NWD2: variants seen among roughly 807,000 people sequenced by gnomAD.
NWD2 encodes the protein NACHT and WD repeat domain-containing protein 2.
NWD2 carries 37 observed loss-of-function variants against 132.7 expected under a neutral mutation model. The ratio of observed to expected loss-of-function variants is 0.28; its 90% CI spans 0.21 to 0.37. The LOEUF is 0.37. NWD2 is among the 10% of genes least tolerant of loss of function. The pLI is 1.00. For synonymous variants in NWD2, 705 were observed against 803.0 expected, an observed-to-expected ratio of 0.88 and a Z score of 2.06; for missense variants, 1,592 against 2,122.4, an observed-to-expected ratio of 0.75 and a Z score of 4.91.
intron 1 of NWD2, among the ~76,000 whole-genome samples, chr4:37,280,189 A>C (rs996200980): frequency 6.6e-6 from 1 of 152,234 alleles, no homozygotes; most frequent in Non-Finnish European, 1.5e-5. Context: ...ATTTCTGGCC[A>C]CAAAAACATC....
chr4:37,447,170 T>C lies in NWD2; in HGVS notation c.5182T>C (p.Cys1728Arg). The part of the protein sequence containing the change: ...KKHNSCYERV[C>R]SALEARGHSY... ...ACACAACTCTTGTTATGAGCGGGTA[T>C]GCTCGGCCCTAGAAGCCAGGGGCCA... The change falls in exon 7 of 7, where the codon TGC (cysteine) becomes CGC (arginine). Residue 1728 changes from cysteine to arginine, a missense_variant. Cys to Arg is a radical substitution (Grantham distance 180). Transcript: ENST00000309447. 6.4e-7 allele frequency: 1 copy of C among 1,551,298 alleles called. No homozygotes were observed. The highest frequency in any genetic ancestry group is 8.7e-7 in the Non-Finnish European group (1 of 1,146,984).
intron 3 of NWD2, among the ~76,000 whole-genome samples, chr4:37,396,626 C>T (rs1210401455): frequency 6.6e-6 from 1 of 152,200 alleles, no homozygotes; most frequent in Non-Finnish European, 1.5e-5. Flanking sequence ...ATTCTATAAG[C>T]TTCTTCAGCT....
chr4:37,444,348 A>C lies in NWD2; in HGVS notation c.2360A>C (p.Asp787Ala). 2 of 1,551,954 alleles carry C rather than the reference A, an allele frequency of 1.3e-6. No homozygotes were observed. The highest frequency in any genetic ancestry group is 1.4e-5 in the African/African-American group (1 of 73,152). Residue 787 changes from aspartate (D) to alanine (A), a missense_variant, in exon 7 of 7, where the codon GAC (aspartate) becomes GCC (alanine). Physicochemically the swap from Asp to Ala is moderately radical, Grantham distance 126. Coordinates refer to ENST00000309447, the MANE Select transcript of NWD2 (RefSeq NM_001144990.2). This position sits in a 1 kb window ranked among gnomAD's most constrained non-coding sequence, Gnocchi z 4.8. The stretch of plus-strand genomic sequence containing the variant: ...GACCCCTACTTGAATGGCTGCCTTG[A>C]CTTGGAGAACAGAAGTTTGCTGGAG... ...LEDPYLNGCL[D>A]LENRSLLEEE...
chr4:37,379,143 T>C (rs958384424), intron 3 of NWD2, among the ~76,000 whole-genome samples: 5 of 152,164 alleles, frequency 3.3e-5, no homozygotes, highest in Non-Finnish European at 7.3e-5. Flanking sequence ...CATGACAGGG[T>C]TCATAAATTT....
chr4:37,278,115 A>T (rs983652796), intron 1 of NWD2, among the ~76,000 whole-genome samples: 1 of 152,094 alleles, frequency 6.6e-6, no homozygotes, highest in African/African-American at 2.4e-5. Context: ...GACTGTGTGT[A>T]TGGGATGGGT....
intron 2 of NWD2, among the ~76,000 whole-genome samples, chr4:37,327,565 T>C (rs908189584): frequency 1.3e-5 from 2 of 152,222 alleles, no homozygotes; most frequent in East Asian, 1.9e-4. Context: ...TTCAGTTCAG[T>C]GTCTAAAATA....
At chr4:37,261,492 TCTTA>T (rs1196282461) in intron 1 of NWD2, among the ~76,000 whole-genome samples, 2 of 152,190 alleles carry the variant, frequency 1.3e-5, no homozygotes, top group African/African-American at 2.4e-5. Context: ...AGGCATGCCT[TCTTA>T]CTTCACAGAC....
chr4:37,397,932 G>T (rs900138791), intron 3 of NWD2, among the ~76,000 whole-genome samples: 2 of 152,108 alleles, frequency 1.3e-5, no homozygotes, highest in Admixed American at 6.5e-5. Flanking sequence ...TTTGGTGGAA[G>T]CCTATCTTCC....
chr4:37,414,955 G>A (rs75073502), intron 3 of NWD2, among the ~76,000 whole-genome samples: 2 of 152,158 alleles, frequency 1.3e-5, no homozygotes, highest in Non-Finnish European at 2.9e-5. Context: ...AAGTAACTTG[G>A]CTGAGGTCAC....
At chr4:37,390,139 G>A (rs906782171) in intron 3 of NWD2, among the ~76,000 whole-genome samples, 1 of 152,116 alleles carries the variant, frequency 6.6e-6, no homozygotes, top group African/African-American at 2.4e-5. Context: ...TCAGTCTGAA[G>A]TTGCACTTTC....
At position 37,413,219 on chromosome 4, in the gene NWD2, C is replaced by A. The variant is rs1026222656; in HGVS notation, c.358-17353C>A. Among the ~76,000 whole-genome samples, 9 of 152,216 alleles carry A rather than the reference C, an allele frequency of 5.9e-5. No homozygotes were observed. In the East Asian group the frequency reaches 1.7e-3, roughly 29 times the overall value. ...ATGGGAGAAAATTTTTGCAATCTAT[C>A]CATCTGACAAAGGGCTAATATCCAG... On this transcript the variant is annotated intron_variant, in intron 3 of 6. Transcript: ENST00000309447.
chr4:37,364,677 C>T (rs899693514), intron 3 of NWD2, among the ~76,000 whole-genome samples: 1 of 139,130 alleles, frequency 7.2e-6, no homozygotes. Flanking sequence ...TCAGAGCAGA[C>T]TTCTACCTCC....
In NWD2 at chr4:37,445,901, A is replaced by G. The variant is rs1174223061; in HGVS notation, c.3913A>G (p.Ile1305Val). 1.9e-6 allele frequency: 3 copies of G among 1,551,496 alleles called. No individual in the cohort carries two copies. The highest frequency in any genetic ancestry group is 2.6e-6 in the Non-Finnish European group (3 of 1,146,738). ...TGTTCTTTCCATTTGGGACATAGAT[A>G]TAATCACAGCTATGTCCAACATAGA... is the stretch of plus-strand genomic sequence containing the variant. ...SGVLSIWDID[I>V]ITAMSNIDKT... The change falls in exon 7 of 7, where the codon ATA (isoleucine) becomes GTA (valine). Residue 1305 changes from isoleucine to valine, a missense_variant. By Grantham distance (29) the Ile-to-Val change is conservative. Around this residue, in one of 7 missense-constraint regions of NWD2, gnomAD observed 1,071 missense variants for 1,398.0 expected, o/e 0.77. Transcript: ENST00000309447. This position sits in a 1 kb window ranked among gnomAD's most constrained non-coding sequence, Gnocchi z 4.7.
intron 3 of NWD2, among the ~76,000 whole-genome samples, chr4:37,392,494 A>G (rs1357683860): frequency 6.6e-6 from 1 of 152,122 alleles, no homozygotes; most frequent in African/African-American, 2.4e-5. Context: ...CTAGATGCCA[A>G]TACTAACCCC....
intron 3 of NWD2, among the ~76,000 whole-genome samples, chr4:37,390,703 T>C (rs542197894): frequency 6.6e-6 from 1 of 152,322 alleles, no homozygotes; most frequent in South Asian, 2.1e-4. Flanking sequence ...TCGACTCTCT[T>C]AGTTTTGTGC....
At chr4:37,442,030 G>A (rs1712498917) in intron 6 of NWD2, among the ~76,000 whole-genome samples, 1 of 152,190 alleles carries the variant, frequency 6.6e-6, no homozygotes, top group Non-Finnish European at 1.5e-5. Flanking sequence ...GATAGTTGTT[G>A]AATGACAAGA....
chr4:37,350,384 G>A (rs530085223), intron 2 of NWD2, among the ~76,000 whole-genome samples: 141 of 152,252 alleles, frequency 9.3e-4, no homozygotes, highest in Non-Finnish European at 1.7e-3. Context: ...AGTTCTCCTT[G>A]AAGAGGTCTT....
intron 2 of NWD2, among the ~76,000 whole-genome samples, chr4:37,352,036 T>C (rs1719778880): frequency 6.6e-6 from 1 of 152,228 alleles, no homozygotes; most frequent in Admixed American, 6.5e-5. Context: ...CACTGTGGTC[T>C]GAGAGACTAT....
chr4:37,274,173 TAG>T (rs1717938141), intron 1 of NWD2, among the ~76,000 whole-genome samples: 2 of 151,992 alleles, frequency 1.3e-5, no homozygotes, highest in Middle Eastern at 3.4e-3. Flanking sequence ...ACAAAATTGA[TAG>T]ACCGCTAGCA....
Sources: allele counts gnomAD v4.1 joint callset (sites outside exome capture counted in the v4.1 genomes callset), GRCh38; gene constraint gnomAD v4.1.1; regional missense constraint gnomAD v4.1.1; non-coding constraint Gnocchi (gnomAD v3.1); transcripts MANE v1.5; gene names NCBI Gene and HGNC (gene_info 2026-07-23, HGNC 2026-07-21).